Variants in MAST1 observed in about 807,000 individuals in gnomAD.
The protein encoded by MAST1 is microtubule associated serine/threonine kinase 1.
MAST1 carries 40 observed loss-of-function variants against 124.6 expected under a neutral mutation model. The ratio of observed to expected loss-of-function variants is 0.32; its 90% CI spans 0.25 to 0.42. The LOEUF (loss-of-function observed/expected upper bound fraction) is 0.42, where lower values mean the gene tolerates loss of function less well. Ranked by LOEUF, MAST1 falls within the 10% of genes least tolerant of loss-of-function variation. The pLI is 1.00. For synonymous variants in MAST1, 938 were observed against 939.4 expected (o/e 1.00, Z 0.03); for missense variants, 1,558 against 2,181.9 (o/e 0.71, Z 5.70).
At chr19:12,855,738 A>G (rs1412666551) in intron 10 of MAST1, among the ~76,000 whole-genome samples, 1 of 152,202 alleles carries the variant, frequency 6.6e-6, no homozygotes, top group Non-Finnish European at 1.5e-5. Flanking sequence ...ATGGAATGAC[A>G]TCACTCAAAA....
At chr19:12,863,303 A>G (rs1024139587) in intron 12 of MAST1, among the ~76,000 whole-genome samples, 9 of 151,968 alleles carry the variant, frequency 5.9e-5, no homozygotes, top group Non-Finnish European at 2.9e-5. Flanking sequence ...GGAGGAGAGA[A>G]GGGGGCCAAA....
At chr19:12,857,741 ACT>A (rs1445740972) in intron 10 of MAST1, among the ~76,000 whole-genome samples, 1 of 152,080 alleles carries the variant, frequency 6.6e-6, no homozygotes, top group Non-Finnish European at 1.5e-5. Context: ...AAGAGCTGTA[ACT>A]CTGGCTGGGT....
Position 12,840,971 on chromosome 19 carries a change from GC to G in MAST1, c.173-15del, listed in dbSNP as rs780625100. The G allele has an allele frequency of 1.5e-5, 14 of 925,368 alleles. No individual in the cohort carries two copies. The Admixed American group carries it at 2.0e-4, about 13-fold the overall frequency. The allele number at this position is 925,368 out of a possible 1,614,324, so 57.3% of individuals were successfully genotyped here. ...GGGAACGAGAGACCTGACAGGATTTGCCCCCTCTTTCTCTCATAGGCAGCAG... is the reference window on the plus strand; with the variant it reads ...GGGAACGAGAGACCTGACAGGATTTGCCCCTCTTTCTCTCATAGGCAGCAG... On this transcript the variant is annotated intron_variant, in intron 2 of 25. Coordinates refer to ENST00000251472, the MANE Select transcript of MAST1 (RefSeq NM_014975.3).
chr19:12,857,474 T>A (rs1970029768), intron 10 of MAST1, among the ~76,000 whole-genome samples: 1 of 149,878 alleles, frequency 6.7e-6, no homozygotes, highest in Non-Finnish European at 1.5e-5. Flanking sequence ...TGCAGTGGCA[T>A]GATCTCTGCT....
chr19:12,846,450 C>T (rs559268793), intron 4 of MAST1, among the ~76,000 whole-genome samples: 12 of 151,868 alleles, frequency 7.9e-5, no homozygotes, highest in African/African-American at 2.4e-4. Context: ...GAGGTCTTCC[C>T]GAGGGGTGAC....
At chr19:12,871,280 C>T in intron 24 of MAST1, 108 bp downstream of exon 24, 2 of 1,485,354 alleles carry the variant, frequency 1.3e-6, no homozygotes. Flanking sequence ...GTGGCGGGAA[C>T]AAATGACCAA....
chr19:12,862,745 G>T (rs889889909), intron 12 of MAST1, among the ~76,000 whole-genome samples: 2 of 148,032 alleles, frequency 1.4e-5, no homozygotes, highest in Non-Finnish European at 3.0e-5. Flanking sequence ...TTGGCTCACC[G>T]CAACCTCCTC....
chr19:12,866,775 T>C lies in MAST1; in HGVS notation c.2139+13T>C. 6.2e-7 allele frequency: 1 copy of C among 1,607,180 alleles called. No homozygotes were observed. The highest frequency in any genetic ancestry group is 8.5e-7 in the Non-Finnish European group (1 of 1,175,252). Reference sequence around the variant, plus strand: ...GCGCTTCAGCAAGGTGGGCCAAGTCTGGGTGTGGGACAGGGCGAGACCCCA... The same window carrying C: ...GCGCTTCAGCAAGGTGGGCCAAGTCCGGGTGTGGGACAGGGCGAGACCCCA... On this transcript the variant is annotated intron_variant, in intron 18 of 25. Transcript: ENST00000251472. This position sits in a 1 kb window ranked among gnomAD's most constrained non-coding sequence, Gnocchi z 5.2.
chr19:12,862,647 T>TTTTTC (rs1242083734), intron 12 of MAST1, among the ~76,000 whole-genome samples: 3 of 151,546 alleles, frequency 2.0e-5, no homozygotes, highest in Admixed American at 2.0e-4. Context: ...TGTTGTTGTT[T>TTTTTC]TTTTCTTTTC....
Position 12,864,865 on chromosome 19 carries a change from C to T in MAST1, c.1423C>T (p.Arg475Cys). 1 of 1,614,086 alleles carries T rather than the reference C, an allele frequency of 6.2e-7. No individual in the cohort carries two copies. Residue 475 changes from arginine to cysteine, a missense_variant, in exon 13 of 26, where the codon CGC (arginine) becomes TGC (cysteine). Physicochemically the swap from Arg to Cys is radical, Grantham distance 180 (BLOSUM62 -3). This residue lies in a region of MAST1 where 145 missense variants were observed against 350.0 expected (regional missense o/e 0.41). Transcript: ENST00000251472. ...NIGALPVEMA[R>C]MYFAETVLAL... Reference sequence around the variant, plus strand: ...TGGAGCGCTGCCCGTAGAGATGGCCCGCATGTACTTTGCTGAGACGGTGCT... The same window carrying T: ...TGGAGCGCTGCCCGTAGAGATGGCCTGCATGTACTTTGCTGAGACGGTGCT...
rs759812911 is a variant in MAST1, at chr19:12,867,844, A to G, written c.2433A>G (p.Gln811=). The G allele has an allele frequency of 4.4e-6, 7 of 1,604,648 alleles. No homozygotes were observed. The highest frequency in any genetic ancestry group is 2.7e-5 in the African/African-American group (2 of 74,494). The change falls in exon 20 of 26, where the codon CAA becomes CAG. Residue 811 remains glutamine (Q), a synonymous_variant. Coordinates refer to ENST00000251472, the MANE Select transcript of MAST1 (RefSeq NM_014975.3). ...LLEPSRFSAP[Q]EDEDEARLRR... The stretch of plus-strand genomic sequence containing the variant: ...AGCCCAGCCGCTTCAGCGCCCCCCA[A>G]GAGGACGAGGATGAGGCCCGGCTGC...
rs1368830084 is a variant in MAST1 at position 12,840,550 on chromosome 19, G to A, written c.172+16G>A. ...GGTCACCTAGGTGAGGCCAGTGGTA[G>A]AGACTTGGTGGGTGCAGACTGGCCT... is the stretch of plus-strand genomic sequence containing the variant. On this transcript the variant is annotated intron_variant, in intron 2 of 25. Transcript: ENST00000251472. 3.0e-5 allele frequency: 48 copies of A among 1,597,162 alleles called. No homozygotes were observed. Among genetic ancestry groups the A allele is most frequent in the Non-Finnish European group, 4.1e-5 (48 of 1,165,742 alleles).
chr19:12,868,103 A>ATTTTTTTTTTTTTGTTTTT (rs1970182259), intron 20 of MAST1, 126 bp downstream of exon 20: 1 of 291,088 alleles, frequency 3.4e-6, no homozygotes, highest in Non-Finnish European at 4.8e-6. Flanking sequence ...GCAATTTGGG[A>ATTTTTTTTTTTTTGTTTTT]TTTTTTTTTT....
intron 12 of MAST1, among the ~76,000 whole-genome samples, chr19:12,863,901 A>G (rs1410503205): frequency 2.6e-5 from 4 of 151,510 alleles, no homozygotes; most frequent in South Asian, 2.1e-4. Flanking sequence ...GGGCAACACA[A>G]TGAAACTCGT....
intron 7 of MAST1, among the ~76,000 whole-genome samples, chr19:12,849,666 A>AAAAAAT (rs1385675907): frequency 2.5e-4 from 38 of 152,162 alleles, no homozygotes; most frequent in Admixed American, 2.3e-3. Context: ...TCTGTCTCAA[A>AAAAAAT]AAAAATAAAA....
intron 1 of MAST1, among the ~76,000 whole-genome samples, chr19:12,839,338 G>A (rs920906373): frequency 6.6e-6 from 1 of 152,098 alleles, no homozygotes; most frequent in Non-Finnish European, 1.5e-5. Context: ...GCACCACGTC[G>A]TGTACACCTA....
Position 12,866,695 on chromosome 19 carries a change from A to G in MAST1, c.2072A>G (p.Asp691Gly). 1 of 1,613,944 alleles carries G rather than the reference A, an allele frequency of 6.2e-7. No homozygotes were observed. The highest frequency in any genetic ancestry group is 8.5e-7 in the Non-Finnish European group (1 of 1,179,972). The change falls in exon 18 of 26, where the codon GAT (aspartate) becomes GGT (glycine). Residue 691 changes from aspartate (D) to glycine (G), a missense_variant. Physicochemically the swap from Asp to Gly is moderately conservative, Grantham distance 94. Coordinates refer to ENST00000251472, the MANE Select transcript of MAST1 (RefSeq NM_014975.3). This position sits in a 1 kb window ranked among gnomAD's most constrained non-coding sequence, Gnocchi z 5.2. ...CACCACGTGAACTCCTATGACGAGG[A>G]TGACACGACGGAGGAGGAGCCCGTG... ...RYHHVNSYDE[D>G]DTTEEEPVEI...
Position 12,867,754 on chromosome 19 carries a change from C to G in MAST1, c.2343C>G (p.Ala781=). 1 of 1,539,854 alleles carries G rather than the reference C, an allele frequency of 6.5e-7. No individual in the cohort carries two copies. The highest frequency in any genetic ancestry group is 8.7e-7 in the Non-Finnish European group (1 of 1,143,354). The change falls in exon 20 of 26, where the codon GCC becomes GCG. Residue 781 remains alanine, a synonymous_variant. Transcript: ENST00000251472. ...PEIKRFSASE[A]SFLEGEASPP... ...GCAAGCGATTCTCCGCGTCCGAGGC[C>G]AGTTTCCTGGAGGGAGAGGCCAGTC...
chr19:12,842,274 GTC>G (rs545357104), intron 3 of MAST1, among the ~76,000 whole-genome samples: 17 of 151,048 alleles, frequency 1.1e-4, no homozygotes, highest in South Asian at 4.2e-4. Context: ...AGTGTTTACT[GTC>G]TCTCTCTCTC....
Sources: allele counts gnomAD v4.1 joint callset (sites outside exome capture counted in the v4.1 genomes callset), GRCh38; gene constraint gnomAD v4.1.1; regional missense constraint gnomAD v4.1.1; non-coding constraint Gnocchi (gnomAD v3.1); transcripts MANE v1.5; gene names NCBI Gene and HGNC (gene_info 2026-07-23, HGNC 2026-07-21).